The following STRN variants were observed in gnomAD, a reference collection of about 807,000 sequenced individuals.
STRN encodes protein phosphatase 2 regulatory subunit B'''alpha.
In STRN, 53 loss-of-function variants were observed where a neutral mutation model predicts 96.3. The observed-to-expected ratio is 0.55, with a 90% confidence interval of 0.44 to 0.69. The LOEUF (loss-of-function observed/expected upper bound fraction) is 0.69, where lower values mean the gene tolerates loss of function less well. Among genes scored for constraint, STRN ranks in the 30% least tolerant of loss-of-function variants. The probability of loss-of-function intolerance (pLI) is 0.00; values close to 1 mark genes in which losing one functional copy is unlikely to be tolerated. For synonymous variants in STRN, 428 were observed against 355.9 expected (o/e 1.20, Z -2.28); for missense variants, 987 against 963.9 (o/e 1.02, Z -0.32).
At chr2:36,937,635 C>A (rs1442083635) in intron 1 of STRN, among the ~76,000 whole-genome samples, 1 of 150,264 alleles carries the variant, frequency 6.7e-6, no homozygotes, top group Non-Finnish European at 1.5e-5. Flanking sequence ...GTTTGTACAA[C>A]TGCACTTCAA....
At position 36,845,253 on chromosome 2, in the gene STRN, C is replaced by A. The variant is rs533743163; in HGVS notation, c.*4203G>T. ...CATTGATGGTTAATTTTAAGCAATT[C>A]TTTCAAAGAAAAACAAAATTAATTC... On this transcript the variant is annotated 3_prime_UTR_variant, in exon 18 of 18. Transcript: ENST00000263918. 6.6e-6 allele frequency: 1 copy of A among 152,136 alleles called. No homozygotes were observed. Among genetic ancestry groups the A allele is most frequent in the Non-Finnish European group, 1.5e-5 (1 of 68,006 alleles). 9.4% of individuals were successfully genotyped at this position (152,136 alleles called of 1,614,324 possible).
intron 1 of STRN, among the ~76,000 whole-genome samples, chr2:36,934,613 T>A (rs1670656130): frequency 6.6e-6 from 1 of 152,244 alleles, no homozygotes; most frequent in Admixed American, 6.5e-5. Context: ...ACACTTCTCA[T>A]ATTTAAAACA....
chr2:36,877,949 C>G lies in STRN; in HGVS notation c.1265G>C (p.Gly422Ala), dbSNP rs756610640. The G allele has an allele frequency of 6.2e-7, 1 of 1,614,160 alleles. No individual in the cohort carries two copies. Among genetic ancestry groups the G allele is most frequent in the East Asian group, 2.2e-5 (1 of 44,880 alleles). Residue 422 changes from glycine to alanine, a missense_variant, in exon 10 of 18, where the codon GGA becomes GCA. Gly to Ala is a moderately conservative substitution (Grantham distance 60). Transcript: ENST00000263918. ...GADEALESEL[G>A]LGELAGLTVA... ...CGTAAGGCCTGCTAGTTCTCCAAGTCCCAGTTCACTTTCAAGGGCTTCATC... is the reference window on the plus strand; with the variant it reads ...CGTAAGGCCTGCTAGTTCTCCAAGTGCCAGTTCACTTTCAAGGGCTTCATC...
In STRN at chr2:36,846,967, T is replaced by C. The variant is rs559016147; in HGVS notation, c.*2489A>G. The C allele has an allele frequency of 3.1e-4, 47 of 152,300 alleles. No individual in the cohort carries two copies. Among genetic ancestry groups the C allele is most frequent in the African/African-American group, 9.9e-4 (41 of 41,582 alleles). The allele number at this position is 152,300 out of a possible 1,614,324, so 9.4% of individuals were successfully genotyped here. A position where few individuals can be genotyped will look rare whatever the true frequency, so the allele number is the denominator to read the frequency against. On this transcript the variant is annotated 3_prime_UTR_variant, in exon 18 of 18. Transcript: ENST00000263918. ...AAGCATTTCAATGGCTGTTTAAACA[T>C]TGAATTTGTTCATTCTGTGAATTTT...
In STRN at chr2:36,840,194, G is replaced by A. The variant is rs546658621; in HGVS notation, c.*9262C>T. The A allele has an allele frequency of 2.0e-5, 3 of 151,778 alleles. No individual in the cohort carries two copies. The South Asian group carries it at 6.3e-4, about 32-fold the overall frequency. The allele number at this position is 151,778 out of a possible 1,614,324, so 9.4% of individuals were successfully genotyped here. ...AAGAGTGTGGAAGTGGACCTGTTCTGAGCCCAGGATAATCAAGGCAGGCTC... is the reference window on the plus strand; with the variant it reads ...AAGAGTGTGGAAGTGGACCTGTTCTAAGCCCAGGATAATCAAGGCAGGCTC... On this transcript the variant is annotated 3_prime_UTR_variant, in exon 18 of 18. Transcript: ENST00000263918.
rs530972807 is a variant in STRN, at chr2:36,941,801, C to T, written c.235-16593G>A. Among the ~76,000 whole-genome samples the T allele has an allele frequency of 2.6e-3, 388 of 151,910 alleles. 2 individuals are homozygous for T. The highest frequency in any genetic ancestry group is 4.5e-3 in the Non-Finnish European group (306 of 67,998). On this transcript the variant is annotated intron_variant, in intron 1 of 17. Transcript: ENST00000263918. ...CTCCTGACCTTGGGTGATCCCCCAA[C>T]CTCGGCCTCCCAAAGTGCTGGGATT... is the stretch of plus-strand genomic sequence containing the variant.
In STRN at chr2:36,883,979, G is replaced by C; in HGVS notation, c.1139C>G (p.Pro380Arg). The C allele has an allele frequency of 7.0e-7, 1 of 1,437,986 alleles. No individual in the cohort carries two copies. 89.1% of individuals were successfully genotyped at this position (1,437,986 alleles called of 1,614,324 possible). ...ATGTTCAGGAAGCCTGGAGCTGCTG[G>C]GTCTGGAAGGTGAACCCACAGATGG... ...LQPSVGSPSR[P>R]SSSRLPEHEI... Residue 380 changes from proline (P) to arginine (R), a missense_variant, in exon 9 of 18, where the codon CCC becomes CGC. Physicochemically the swap from Pro to Arg is moderately radical, Grantham distance 103. Transcript: ENST00000263918.
intron 3 of STRN, among the ~76,000 whole-genome samples, chr2:36,912,417 C>G (rs535664233): frequency 8.5e-5 from 13 of 152,340 alleles, no homozygotes; most frequent in Non-Finnish European, 1.9e-4. Context: ...CCATGTGTCA[C>G]AAAGTCCTAC....
chr2:36,842,976 G>T lies in STRN; in HGVS notation c.*6480C>A, dbSNP rs1368679424. 6.6e-6 allele frequency among the ~76,000 whole-genome samples: 1 copy of T among 152,112 alleles called. No individual in the cohort carries two copies. The highest frequency in any genetic ancestry group is 6.6e-5 in the Admixed American group (1 of 15,258). Reference sequence around the variant, plus strand: ...TGCTGGGGCCCTGCAAAACATCAGTGATCTTGGGAAACCCAGAGGAGGTCA... The same window carrying T: ...TGCTGGGGCCCTGCAAAACATCAGTTATCTTGGGAAACCCAGAGGAGGTCA... On this transcript the variant is annotated 3_prime_UTR_variant, in exon 18 of 18. Coordinates refer to ENST00000263918, the MANE Select transcript of STRN (RefSeq NM_003162.4).
Position 36,966,414 on chromosome 2 carries a change from C to T in STRN, c.50G>A (p.Gly17Asp), listed in dbSNP as rs1475697956. ...CCCGAGCCCCTTGGCACCGCCGGCG[C>T]CCGGGTGGTTGTTGCTGAAGAAGAC... Reference protein sequence around the residue: ...PGVFFSNNHPGAGGAKGLGPL... With the variant: ...PGVFFSNNHPDAGGAKGLGPL... Residue 17 changes from glycine to aspartate, a missense_variant, in exon 1 of 18, where the codon GGC becomes GAC. Physicochemically the swap from Gly to Asp is moderately conservative, Grantham distance 94 (BLOSUM62 -1). Coordinates refer to ENST00000263918, the MANE Select transcript of STRN (RefSeq NM_003162.4). 4 of 1,461,292 alleles carry T rather than the reference C, an allele frequency of 2.7e-6. No homozygotes were observed. Among genetic ancestry groups the T allele is most frequent in the East Asian group, 3.0e-5 (1 of 33,010 alleles). 90.5% of individuals were successfully genotyped at this position (1,461,292 alleles called of 1,614,324 possible). A position where few individuals can be genotyped will look rare whatever the true frequency, so the allele number is the denominator to read the frequency against.
In STRN at chr2:36,869,621, A is replaced by G; in HGVS notation, c.1432T>C (p.Leu478=). 1 of 1,612,344 alleles carries G rather than the reference A, an allele frequency of 6.2e-7. No homozygotes were observed. The highest frequency in any genetic ancestry group is 8.5e-7 in the Non-Finnish European group (1 of 1,179,148). The stretch of plus-strand genomic sequence containing the variant: ...GTGTGATCCTCTGATGCTGTTATCA[A>G]AACAGGCTCAATGGGATGGAAAGCA... ...ALAFHPIEPV[L]ITASEDHTLK... The change falls in exon 11 of 18, where the codon TTG becomes CTG. Residue 478 remains leucine (L), a synonymous_variant. Transcript: ENST00000263918.
chr2:36,959,853 C>G (rs1664985089), intron 1 of STRN, among the ~76,000 whole-genome samples: 1 of 152,144 alleles, frequency 6.6e-6, no homozygotes. Context: ...GCTAGGGGTC[C>G]TCATTCCTAA....
intron 1 of STRN, among the ~76,000 whole-genome samples, chr2:36,935,788 C>T (rs1670686587): frequency 6.6e-6 from 1 of 152,096 alleles, no homozygotes; most frequent in Admixed American, 6.6e-5. Flanking sequence ...AGTTCAATCA[C>T]AGTAAATGGA....
chr2:36,851,398 A>C (rs1013485335), intron 15 of STRN, among the ~76,000 whole-genome samples: 1 of 152,032 alleles, frequency 6.6e-6, no homozygotes, highest in Non-Finnish European at 1.5e-5. Context: ...CAGGAAAATC[A>C]CTTGAACCCG....
chr2:36,846,567 T>A lies in STRN; in HGVS notation c.*2889A>T, dbSNP rs1668083293. 6.7e-6 allele frequency: 1 copy of A among 150,216 alleles called. No homozygotes were observed. The highest frequency in any genetic ancestry group is 2.5e-5 in the African/African-American group (1 of 40,762). The allele number at this position is 150,216 out of a possible 1,614,324, so 9.3% of individuals were successfully genotyped here. A position where few individuals can be genotyped will look rare whatever the true frequency, so the allele number is the denominator to read the frequency against. On this transcript the variant is annotated 3_prime_UTR_variant, in exon 18 of 18. Coordinates refer to ENST00000263918, the MANE Select transcript of STRN (RefSeq NM_003162.4). ...AGCAAGAATACTGAAGGAATGAAAGTCAGATTAAAAAAAAAATTTCTCACA... is the reference window on the plus strand; with the variant it reads ...AGCAAGAATACTGAAGGAATGAAAGACAGATTAAAAAAAAAATTTCTCACA...
At chr2:36,965,050 C>T (rs1037098068) in intron 1 of STRN, among the ~76,000 whole-genome samples, 6 of 152,208 alleles carry the variant, frequency 3.9e-5, no homozygotes, top group African/African-American at 1.4e-4. Flanking sequence ...CTTTCCACAG[C>T]CACTTCCACT....
At chr2:36,906,369 G>C (rs1008920857) in intron 3 of STRN, among the ~76,000 whole-genome samples, 8 of 152,078 alleles carry the variant, frequency 5.3e-5, no homozygotes, top group African/African-American at 9.7e-5. Context: ...TTAGGTGGGA[G>C]AATCACCTTA....
intron 10 of STRN, 38 bp downstream of exon 10, chr2:36,877,853 A>G (rs1406218903): frequency 6.2e-7 from 1 of 1,608,524 alleles, no homozygotes; most frequent in Admixed American, 1.7e-5. Context: ...TGTTTTTAAA[A>G]ACCAAGTAAA....
chr2:36,878,593 C>A (rs896144732), intron 9 of STRN, among the ~76,000 whole-genome samples: 4 of 152,058 alleles, frequency 2.6e-5, no homozygotes, highest in African/African-American at 9.7e-5. Context: ...ACTTCCAGGG[C>A]CCTGGTAATG....
Sources: gnomAD v4.1 joint callset for allele counts (sites outside exome capture counted in the v4.1 genomes callset) on GRCh38, gnomAD v4.1.1 for gene constraint, MANE v1.5 for transcripts, NCBI Gene and HGNC (gene_info 2026-07-23, HGNC 2026-07-21) for gene names.